ENTREP2: variants seen among roughly 807,000 people sequenced by gnomAD.
ENTREP2 encodes the protein endosomal transmembrane epsin interactor 2, also known as protein ENTREP2.
the ENTREP2 span, among the ~76,000 whole-genome samples, chr15:29,322,422 C>A: frequency 2.0e-5 from 3 of 152,344 alleles, no homozygotes; most frequent in South Asian, 6.2e-4. Flanking sequence ...AACATCTCCT[C>A]AACCACTCAT....
chr15:29,442,469 C>T, the ENTREP2 span, among the ~76,000 whole-genome samples: 1 of 152,130 alleles, frequency 6.6e-6, no homozygotes, highest in African/African-American at 2.4e-5. Flanking sequence ...GGAGAAATCA[C>T]GTTTTATTTT....
At chr15:29,128,746 A>G in the ENTREP2 span, 1 of 1,444,622 alleles carries the variant, frequency 6.9e-7, no homozygotes, top group Non-Finnish European at 9.5e-7. Flanking sequence ...CACCCTTGAA[A>G]ACAGGAACAC....
the ENTREP2 span, among the ~76,000 whole-genome samples, chr15:29,130,805 G>A: frequency 6.6e-6 from 1 of 152,180 alleles, no homozygotes; most frequent in Admixed American, 6.5e-5. Context: ...GGGGAAAATA[G>A]CACTTCCTTT....
At chr15:29,445,871 G>A in the ENTREP2 span, among the ~76,000 whole-genome samples, 142 of 152,266 alleles carry the variant, frequency 9.3e-4, 6 homozygotes, top group East Asian at 0.026. Context: ...GGGATCTGAT[G>A]CGAATTCCAG....
the ENTREP2 span, among the ~76,000 whole-genome samples, chr15:29,448,506 C>A: frequency 6.6e-6 from 1 of 152,198 alleles, no homozygotes; most frequent in Non-Finnish European, 1.5e-5. Context: ...ACCCTAAATG[C>A]ACTTAAGCGA....
chr15:29,674,132 G>GGGC, the ENTREP2 span, among the ~76,000 whole-genome samples: 2 of 145,598 alleles, frequency 1.4e-5, no homozygotes, highest in African/African-American at 2.7e-5. Flanking sequence ...AGAGGATGGG[G>GGGC]GGGGGGGGGG....
chr15:29,211,602 T>C, the ENTREP2 span, among the ~76,000 whole-genome samples: 7 of 152,324 alleles, frequency 4.6e-5, no homozygotes, highest in Non-Finnish European at 8.8e-5. Flanking sequence ...CGGTATTATA[T>C]TGGCTGCGGG....
At chr15:29,356,007 T>G in the ENTREP2 span, among the ~76,000 whole-genome samples, 7 of 152,054 alleles carry the variant, frequency 4.6e-5, no homozygotes, top group Non-Finnish European at 8.8e-5. Flanking sequence ...TGACTTTTTT[T>G]GGGAGTATCA....
the ENTREP2 span, among the ~76,000 whole-genome samples, chr15:29,669,131 G>A: frequency 8.5e-5 from 13 of 152,188 alleles, no homozygotes; most frequent in African/African-American, 2.4e-4. Context: ...GATTGAACCC[G>A]TGAGATGGAG....
At chr15:29,367,343 T>C in the ENTREP2 span, among the ~76,000 whole-genome samples, 3 of 152,212 alleles carry the variant, frequency 2.0e-5, no homozygotes, top group African/African-American at 7.2e-5. Context: ...ATTCTGGTGA[T>C]TCCCTAGAAG....
At chr15:29,469,145 T>C in the ENTREP2 span, among the ~76,000 whole-genome samples, 1 of 152,138 alleles carries the variant, frequency 6.6e-6, no homozygotes, top group Admixed American at 6.5e-5. Flanking sequence ...CTGAGGGAAA[T>C]ACGCCAGTCA....
the ENTREP2 span, among the ~76,000 whole-genome samples, chr15:29,587,010 A>C: frequency 2.0e-5 from 3 of 152,138 alleles, no homozygotes; most frequent in Non-Finnish European, 4.4e-5. Context: ...TTGAAAACCA[A>C]ATTCTCGAGG....
the ENTREP2 span, among the ~76,000 whole-genome samples, chr15:29,457,396 C>G: frequency 6.6e-6 from 1 of 152,238 alleles, no homozygotes; most frequent in Non-Finnish European, 1.5e-5. Flanking sequence ...GTCTAAGGAT[C>G]CATCCACAGC....
the ENTREP2 span, among the ~76,000 whole-genome samples, chr15:29,636,267 C>T: frequency 1.3e-5 from 2 of 152,210 alleles, no homozygotes. Context: ...CGTTTCCTCA[C>T]GTCGCAACTG....
the ENTREP2 span, among the ~76,000 whole-genome samples, chr15:29,652,032 C>T: frequency 1.3e-5 from 2 of 152,200 alleles, no homozygotes; most frequent in Admixed American, 6.5e-5. Flanking sequence ...CCGCCCATGG[C>T]TGTCCATGGA....
the ENTREP2 span, among the ~76,000 whole-genome samples, chr15:29,475,119 A>T: frequency 1.6e-4 from 25 of 152,110 alleles, 1 homozygote; most frequent in Non-Finnish European, 2.6e-4. Flanking sequence ...ACTGAGCGAG[A>T]GTGTGTGGGA....
At chr15:29,151,746 A>G in the ENTREP2 span, 116,479 of 1,551,226 alleles carry the variant, frequency 0.075, 8,548 homozygotes, top group African/African-American at 0.37. Context: ...TCTGCAGGAC[A>G]TCGGAGGAGA....
At chr15:29,619,343 G>A in the ENTREP2 span, among the ~76,000 whole-genome samples, 2 of 152,132 alleles carry the variant, frequency 1.3e-5, no homozygotes, top group African/African-American at 4.8e-5. Context: ...AGTGAGCCTA[G>A]GTTGTGTCAC....
At chr15:29,476,023 G>A in the ENTREP2 span, among the ~76,000 whole-genome samples, 21 of 152,336 alleles carry the variant, frequency 1.4e-4, no homozygotes, top group South Asian at 2.1e-3. Context: ...GACCTGAAGT[G>A]AAAACAAAGG....
Sources: gnomAD v4.1 joint callset for allele counts (sites outside exome capture counted in the v4.1 genomes callset) on GRCh38, gnomAD v4.1.1 for gene constraint, MANE v1.5 for transcripts, NCBI Gene and HGNC (gene_info 2026-07-23, HGNC 2026-07-21) for gene names.